NEGR1: variants seen among roughly 807,000 people sequenced by gnomAD.
The protein encoded by NEGR1 is IgLON family member 4.
NEGR1 carries 10 observed loss-of-function variants against 40.9 expected under a neutral mutation model. The observed-to-expected ratio is 0.24, with a 90% CI of 0.15 to 0.42. The LOEUF is 0.42. Ranked by LOEUF, NEGR1 falls within the 10% of genes least tolerant of loss-of-function variation. The pLI, the probability that NEGR1 is intolerant of heterozygous loss-of-function variation, is 1.00. For synonymous variants in NEGR1, 185 were observed against 166.8 expected (o/e 1.11, Z -0.84); for missense variants, 352 against 438.9 (o/e 0.80, Z 1.77).
Position 72,113,011 on chromosome 1 carries a change from C to T in NEGR1, c.176+169308G>A, listed in dbSNP as rs537302137. Among the ~76,000 whole-genome samples, 10 of 151,716 alleles carry T rather than the reference C, an allele frequency of 6.6e-5. No individual in the cohort carries two copies. The East Asian group carries it at 1.6e-3, about 24-fold the overall frequency. ...TTTTTGGCAAGAAGTCTCCGACTTC[C>T]ACAATTTAGTGTTTTGGATTTAAAT... On this transcript the variant is annotated intron_variant, in intron 1 of 6. Coordinates refer to ENST00000357731, the MANE Select transcript of NEGR1 (RefSeq NM_173808.3).
Position 71,811,858 on chromosome 1 carries a change from ATTTATTTTAT to A in NEGR1, c.410-35571_410-35562del, listed in dbSNP as rs71074806. ...TGACTCAATATCCAAAGTTCTATTT[ATTTATTTTAT>A]TTTATTTTATTTTATTTTATTTTAT... On this transcript the variant is annotated intron_variant, in intron 2 of 6. Coordinates refer to ENST00000357731, the MANE Select transcript of NEGR1 (RefSeq NM_173808.3). Among the ~76,000 whole-genome samples the A allele has an allele frequency of 3.8e-3, 519 of 137,542 alleles. 6 individuals are homozygous for A. Among genetic ancestry groups the A allele is most frequent in the East Asian group, 0.016 (79 of 4,812 alleles). 90.2% of individuals were successfully genotyped at this position (137,542 alleles called of 152,430 possible).
At chr1:72,122,603 T>C (rs1251083589) in intron 1 of NEGR1, among the ~76,000 whole-genome samples, 2 of 152,050 alleles carry the variant, frequency 1.3e-5, no homozygotes, top group South Asian at 2.1e-4. Flanking sequence ...ATTTATTACA[T>C]AAATAAGGGA....
intron 1 of NEGR1, among the ~76,000 whole-genome samples, chr1:71,954,754 C>T (rs1353015834): frequency 6.6e-6 from 1 of 151,974 alleles, no homozygotes; most frequent in Non-Finnish European, 1.5e-5. Context: ...AAACACAAAT[C>T]CATATAAGCA....
chr1:72,022,764 T>G (rs1335810570), intron 1 of NEGR1, among the ~76,000 whole-genome samples: 1 of 152,132 alleles, frequency 6.6e-6, no homozygotes, highest in Non-Finnish European at 1.5e-5. Flanking sequence ...CTTGTAAGTA[T>G]CCAAGTTGCC....
chr1:71,682,885 C>T (rs2101612260), intron 4 of NEGR1, among the ~76,000 whole-genome samples: 1 of 152,246 alleles, frequency 6.6e-6, no homozygotes, highest in Middle Eastern at 3.4e-3. Context: ...TTGCTTTCTT[C>T]CTCTTTCCAT....
At chr1:71,429,818 T>C (rs1646454637) in intron 6 of NEGR1, among the ~76,000 whole-genome samples, 1 of 152,214 alleles carries the variant, frequency 6.6e-6, no homozygotes, top group Non-Finnish European at 1.5e-5. Context: ...GTATGAGAAA[T>C]ATTTAAGAGA....
intron 6 of NEGR1, among the ~76,000 whole-genome samples, chr1:71,411,621 G>A (rs750479194): frequency 6.6e-6 from 1 of 152,164 alleles, no homozygotes; most frequent in African/African-American, 2.4e-5. Flanking sequence ...TGAGTGACAT[G>A]AGAAGCCATA....
At chr1:71,657,612 T>C (rs781370008) in intron 4 of NEGR1, among the ~76,000 whole-genome samples, 2 of 151,950 alleles carry the variant, frequency 1.3e-5, no homozygotes, top group African/African-American at 2.4e-5. Context: ...CAAGGAAACA[T>C]TGGGGTCTGG....
chr1:71,419,376 T>A (rs920514958), intron 6 of NEGR1, among the ~76,000 whole-genome samples: 6 of 152,216 alleles, frequency 3.9e-5, no homozygotes, highest in Non-Finnish European at 7.3e-5. Flanking sequence ...GATAAATATA[T>A]CTGTTGAAAG....
chr1:71,790,389 TC>T (rs1158146296), intron 2 of NEGR1, among the ~76,000 whole-genome samples: 3 of 152,112 alleles, frequency 2.0e-5, no homozygotes, highest in Admixed American at 2.0e-4. Flanking sequence ...GGTCAGGTGT[TC>T]AGTTTCAGTC....
intron 6 of NEGR1, chr1:71,468,967 A>G (rs971824510): frequency 2.0e-5 from 3 of 152,064 alleles, no homozygotes; most frequent in Non-Finnish European, 2.9e-5. Context: ...TTTCAACTAG[A>G]TTGAAAATCT....
intron 1 of NEGR1, among the ~76,000 whole-genome samples, chr1:72,122,530 G>T (rs1373038544): frequency 1.3e-5 from 2 of 151,766 alleles, no homozygotes; most frequent in Non-Finnish European, 2.9e-5. Context: ...TGATATATGT[G>T]TATATATGCA....
At chr1:72,224,448 G>T (rs1654110326) in intron 1 of NEGR1, among the ~76,000 whole-genome samples, 1 of 152,018 alleles carries the variant, frequency 6.6e-6, no homozygotes, top group Non-Finnish European at 1.5e-5. Flanking sequence ...TGGGAAAAGA[G>T]TTCCATGCAC....
chr1:71,997,732 C>T (rs1042688229), intron 1 of NEGR1, among the ~76,000 whole-genome samples: 4 of 151,772 alleles, frequency 2.6e-5, no homozygotes, highest in African/African-American at 7.2e-5. Flanking sequence ...ATTTTAATAA[C>T]CTGTTTATGT....
intron 3 of NEGR1, among the ~76,000 whole-genome samples, chr1:71,765,941 C>T (rs867270106): frequency 2.0e-5 from 3 of 151,858 alleles, no homozygotes; most frequent in Non-Finnish European, 1.5e-5. Flanking sequence ...TTTGGGAGGC[C>T]GAGGTGGGCA....
chr1:72,229,222 C>T lies in NEGR1; in HGVS notation c.176+53097G>A, dbSNP rs143519988. Among the ~76,000 whole-genome samples, 761 of 151,768 alleles carry T rather than the reference C, an allele frequency of 5.0e-3. 7 individuals carry two copies. The highest frequency in any genetic ancestry group is 0.017 in the African/African-American group (692 of 41,474). Reference sequence around the variant, plus strand: ...AGTCTTGACACAAATAGTAACATCACATTCTACTACAATGATTAGGTTGAT... The same window carrying T: ...AGTCTTGACACAAATAGTAACATCATATTCTACTACAATGATTAGGTTGAT... On this transcript the variant is annotated intron_variant, in intron 1 of 6. Transcript: ENST00000357731.
chr1:71,719,971 T>C (rs894421091), intron 3 of NEGR1, among the ~76,000 whole-genome samples: 3 of 152,172 alleles, frequency 2.0e-5, no homozygotes, highest in African/African-American at 4.8e-5. Context: ...ATATATCTCA[T>C]ATAATGCCAT....
At chr1:72,096,901 C>T (rs1022417330) in intron 1 of NEGR1, among the ~76,000 whole-genome samples, 1 of 152,022 alleles carries the variant, frequency 6.6e-6, no homozygotes, top group African/African-American at 2.4e-5. Context: ...CCAGGATGAT[C>T]TCGATCTTCT....
chr1:72,073,981 T>C (rs1647600937), intron 1 of NEGR1, among the ~76,000 whole-genome samples: 1 of 152,080 alleles, frequency 6.6e-6, no homozygotes, highest in Admixed American at 6.6e-5. Context: ...AATGGAAGCT[T>C]AAATATATCA....
Sources: gnomAD v4.1 joint callset for allele counts (sites outside exome capture counted in the v4.1 genomes callset) on GRCh38, gnomAD v4.1.1 for gene constraint, MANE v1.5 for transcripts, NCBI Gene and HGNC (gene_info 2026-07-23, HGNC 2026-07-21) for gene names.